Variants in CLASRP observed in about 807,000 individuals in gnomAD.
The protein encoded by CLASRP is CLK4 associating serine/arginine rich protein.
CLASRP carries 52 observed loss-of-function variants against 99.9 expected under a neutral mutation model. That is an observed-to-expected ratio of 0.52 (90% CI 0.42 to 0.66). CLASRP has a LOEUF of 0.66. Among genes scored for constraint, CLASRP ranks in the 30% least tolerant of loss-of-function variants. The pLI is 0.00. For missense variants in CLASRP, 848 were observed against 999.2 expected (o/e 0.85, Z 2.04); for synonymous variants, 379 against 373.0 (o/e 1.02, Z -0.18).
intron 11 of CLASRP, 96 bp downstream of exon 11, chr19:45,062,291 C>A: frequency 3.8e-6 from 3 of 795,718 alleles, no homozygotes; most frequent in Non-Finnish European, 6.8e-6. Flanking sequence ...CCCTGCTAGG[C>A]CACCCCAAGA....
chr19:45,055,335 G>T (rs1972101054), intron 5 of CLASRP, among the ~76,000 whole-genome samples: 2 of 152,208 alleles, frequency 1.3e-5, no homozygotes, highest in South Asian at 4.1e-4. Context: ...TGTCAGCCAG[G>T]ACTGTGAGCA....
At chr19:45,041,419 C>T (rs1445109771) in intron 2 of CLASRP, among the ~76,000 whole-genome samples, 3 of 152,056 alleles carry the variant, frequency 2.0e-5, no homozygotes, top group Non-Finnish European at 4.4e-5. Flanking sequence ...TCTATTTCTG[C>T]CACCACAGGG....
rs375251030 is a variant in CLASRP at position 45,067,487 on chromosome 19, G to GAGCCGC, written c.1583_1588dup (p.Arg528_Ser529dup). ...GCAGCCATAGCCCCAGCCCCAGCCAGAGCCGCAGCCGCAGCCGCAGCCGCA... is the reference window on the plus strand; with the variant it reads ...GCAGCCATAGCCCCAGCCCCAGCCAGAGCCGCAGCCGCAGCCGCAGCCGCAGCCGCA... On this transcript the variant is annotated inframe_insertion, in exon 14 of 21. Coordinates refer to ENST00000221455, the MANE Select transcript of CLASRP (RefSeq NM_007056.3). The surrounding 1 kb of genome is among the most constrained non-coding windows in gnomAD (Gnocchi z 4.9). The GAGCCGC allele has an allele frequency of 5.4e-4, 854 of 1,573,458 alleles. 1 individual carries two copies. The highest frequency in any genetic ancestry group is 7.9e-4 in the African/African-American group (58 of 73,824).
chr19:45,070,123 C>G lies in CLASRP; in HGVS notation c.1957+19C>G. 1 of 1,440,206 alleles carries G rather than the reference C, an allele frequency of 6.9e-7. No homozygotes were observed. The highest frequency in any genetic ancestry group is 9.8e-7 in the Non-Finnish European group (1 of 1,021,136). 89.2% of individuals were successfully genotyped at this position (1,440,206 alleles called of 1,614,324 possible). On this transcript the variant is annotated intron_variant, in intron 19 of 20. Transcript: ENST00000221455. ...CGATACAGTGAGTGTCCCCACCAGGCTGCAGGGCTCTGGGGCTTTAAAGAA... is the reference window on the plus strand; with the variant it reads ...CGATACAGTGAGTGTCCCCACCAGGGTGCAGGGCTCTGGGGCTTTAAAGAA...
At chr19:45,041,148 G>GA (rs1971804533) in intron 2 of CLASRP, among the ~76,000 whole-genome samples, 1 of 151,570 alleles carries the variant, frequency 6.6e-6, no homozygotes, top group African/African-American at 2.4e-5. Context: ...GTGAACCGGG[G>GA]AGGGGGGCAG....
intron 2 of CLASRP, among the ~76,000 whole-genome samples, chr19:45,041,562 C>T (rs553970190): frequency 6.6e-6 from 1 of 152,194 alleles, no homozygotes; most frequent in African/African-American, 2.4e-5. Context: ...CCCAGTTATT[C>T]CTGTATTACT....
At chr19:45,063,144 A>T (rs563490446) in intron 11 of CLASRP, among the ~76,000 whole-genome samples, 1 of 152,006 alleles carries the variant, frequency 6.6e-6, no homozygotes, top group Non-Finnish European at 1.5e-5. Flanking sequence ...TATTTTTAAA[A>T]TTTTATATAT....
At chr19:45,056,045 G>GT (rs1164613198) in intron 5 of CLASRP, among the ~76,000 whole-genome samples, 2 of 152,140 alleles carry the variant, frequency 1.3e-5, no homozygotes, top group African/African-American at 4.8e-5. Flanking sequence ...ATGAGCCACA[G>GT]AGAGGCATGC....
intron 2 of CLASRP, among the ~76,000 whole-genome samples, chr19:45,051,378 A>G (rs1161278817): frequency 2.6e-5 from 4 of 151,718 alleles, no homozygotes; most frequent in African/African-American, 4.8e-5. Context: ...CGGTGACACA[A>G]TCTCAGCTCA....
chr19:45,063,434 A>ATTTTTTTTTTTT (rs1600110419), intron 11 of CLASRP, among the ~76,000 whole-genome samples: 2 of 54,952 alleles, frequency 3.6e-5, no homozygotes, highest in African/African-American at 1.3e-4. Context: ...AGATCTGCTT[A>ATTTTTTTTTTTT]TCTTTTTTTT....
rs748042043 is a variant in CLASRP, at chr19:45,064,584, C to A, written c.1363C>A (p.Arg455Ser). 1 of 1,543,600 alleles carries A rather than the reference C, an allele frequency of 6.5e-7. No homozygotes were observed. Among genetic ancestry groups the A allele is most frequent in the Non-Finnish European group, 8.7e-7 (1 of 1,149,614 alleles). ...CTCCCGAGACGGACACCGGTACTCC[C>A]GCTCGCCCGCCCGGCGTGGTGGTTA... ...GGSRDGHRYS[R>S]SPARRGGYGP... The change falls in exon 13 of 21, where the codon CGC (arginine) becomes AGC (serine). Residue 455 changes from arginine (R) to serine (S), a missense_variant. Arg to Ser is a moderately radical substitution (Grantham distance 110, BLOSUM62 -1). Coordinates refer to ENST00000221455, the MANE Select transcript of CLASRP (RefSeq NM_007056.3).
chr19:45,068,450 CTG>C lies in CLASRP; in HGVS notation c.1739_1740del (p.Leu580GlnfsTer14). ...PKLTPQEKLK[L>X]RMQKALNRQF... is the part of the protein sequence containing the mutation. ...GCTGACGCCTCAGGAGAAGCTGAAA[CTG>C]AGGATGCAGAAGGCGCTGAACAGGC... On this transcript the variant is annotated frameshift_variant, in exon 16 of 21. Coordinates refer to ENST00000221455, the MANE Select transcript of CLASRP (RefSeq NM_007056.3). LOFTEE classifies it high-confidence loss of function. 1 of 1,606,202 alleles carries C rather than the reference CTG, an allele frequency of 6.2e-7. No individual in the cohort carries two copies. Among genetic ancestry groups the C allele is most frequent in the East Asian group, 2.3e-5 (1 of 44,412 alleles).
intron 18 of CLASRP, chr19:45,069,723 G>C: frequency 2.2e-6 from 1 of 464,496 alleles, no homozygotes; most frequent in Non-Finnish European, 3.9e-6. Context: ...CCTGGCCACT[G>C]TGACGGAGAC....
At chr19:45,061,559 C>T (rs563707820) in intron 10 of CLASRP, among the ~76,000 whole-genome samples, 2 of 152,236 alleles carry the variant, frequency 1.3e-5, no homozygotes, top group Admixed American at 6.5e-5. Flanking sequence ...GCCTCAAATT[C>T]CTAGGCTTAG....
intron 5 of CLASRP, among the ~76,000 whole-genome samples, chr19:45,054,776 C>T (rs1019008942): frequency 3.9e-5 from 6 of 152,050 alleles, no homozygotes; most frequent in African/African-American, 7.2e-5. Context: ...GCTTCCTCCT[C>T]GAGAAGGGTG....
At chr19:45,062,582 C>T (rs529806101) in intron 11 of CLASRP, among the ~76,000 whole-genome samples, 66 of 152,236 alleles carry the variant, frequency 4.3e-4, no homozygotes, top group African/African-American at 1.3e-3. Context: ...AGGGTTTCAC[C>T]GTGTTAGCCA....
In CLASRP at chr19:45,067,400, TAGCCGC is replaced by T. The variant is rs1568422339; in HGVS notation, c.1483_1488del (p.Arg495_Ser496del). ...GCCGGGGCCTCAGGCACCACAGCAG[TAGCCGC>T]AGCCGCAGCAGCTGGTCCCTCAGCC... On this transcript the variant is annotated inframe_deletion, in exon 14 of 21. Coordinates refer to ENST00000221455, the MANE Select transcript of CLASRP (RefSeq NM_007056.3). The surrounding 1 kb of genome is among the most constrained non-coding windows in gnomAD (Gnocchi z 4.9). The T allele has an allele frequency of 3.9e-6, 6 of 1,533,794 alleles. No individual in the cohort carries two copies. In the South Asian group the frequency reaches 4.8e-5, roughly 12 times the overall value.
chr19:45,056,297 C>T (rs1420827946), intron 5 of CLASRP, among the ~76,000 whole-genome samples, 153 bp from the exon 6 acceptor site: 1 of 152,204 alleles, frequency 6.6e-6, no homozygotes, highest in Non-Finnish European at 1.5e-5. Flanking sequence ...TTGTGTCCCA[C>T]CAGACATAGT....
At chr19:45,069,957 C>T (rs549358319) in intron 18 of CLASRP, 65 bp from the exon 19 acceptor site, 5 of 900,242 alleles carry the variant, frequency 5.6e-6, no homozygotes, top group African/African-American at 3.3e-5. Context: ...GTTGGAAGCA[C>T]CTGCCCTCCC....
Sources: gnomAD v4.1 joint callset for allele counts (sites outside exome capture counted in the v4.1 genomes callset) on GRCh38, gnomAD v4.1.1 for gene constraint, Gnocchi (gnomAD v3.1) non-coding constraint, MANE v1.5 for transcripts, NCBI Gene and HGNC (gene_info 2026-07-23, HGNC 2026-07-21) for gene names.